Variants in PDE10A observed in about 807,000 individuals in gnomAD.
PDE10A encodes the protein cAMP and cAMP-inhibited cGMP 3',5'-cyclic phosphodiesterase 10A.
A neutral mutation model predicts 97.7 loss-of-function variants in PDE10A; 39 were observed. The observed-to-expected ratio is 0.40, with a 90% CI of 0.31 to 0.52. The LOEUF (loss-of-function observed/expected upper bound fraction) is 0.52. PDE10A is among the 20% of genes least tolerant of loss of function. The pLI, the probability that PDE10A is intolerant of heterozygous loss-of-function variation, is 0.56. For missense variants in PDE10A, 731 were observed against 1,047.8 expected, an observed-to-expected ratio of 0.70 and a Z score of 4.17; for synonymous variants, 371 against 376.8, an observed-to-expected ratio of 0.98 and a Z score of 0.18.
intron 1 of PDE10A, among the ~76,000 whole-genome samples, chr6:165,659,399 T>A (rs4709084): frequency 6.6e-6 from 1 of 152,082 alleles, no homozygotes; most frequent in African/African-American, 2.4e-5. Flanking sequence ...ACGATACATA[T>A]CAGAAAAATC....
In PDE10A at chr6:165,901,269, A is replaced by C. The variant is rs542706242; in HGVS notation, c.-615+86260T>G. On this transcript the variant is annotated intron_variant, in intron 1 of 19. Coordinates refer to the PDE10A transcript ENST00000366882. ...CTAAACAAATGAACCTCCACACCAC[A>C]TGGCAAAAAGGGGCACTTCTCCTGT... 5.3e-5 allele frequency among the ~76,000 whole-genome samples: 8 copies of C among 152,274 alleles called. No individual in the cohort carries two copies. The East Asian group carries it at 1.5e-3, about 29-fold the overall frequency.
intron 1 of PDE10A, among the ~76,000 whole-genome samples, chr6:165,626,338 TTA>T (rs1480440276): frequency 6.6e-6 from 1 of 152,224 alleles, no homozygotes; most frequent in Non-Finnish European, 1.5e-5. Context: ...GTTCATTCTC[TTA>T]TGTTTCAACA....
intron 1 of PDE10A, among the ~76,000 whole-genome samples, chr6:165,847,377 A>T (rs1780449302): frequency 6.6e-6 from 1 of 152,234 alleles, no homozygotes; most frequent in Non-Finnish European, 1.5e-5. Flanking sequence ...CTTCTGATTT[A>T]TTAGCTACAC....
In PDE10A at chr6:165,661,962, A is replaced by C. The variant is rs762162747; in HGVS notation, c.850T>G (p.Cys284Gly). The C allele has an allele frequency of 1.9e-5, 22 of 1,136,992 alleles. No individual in the cohort carries two copies. Among genetic ancestry groups the C allele is most frequent in the Non-Finnish European group, 2.7e-5 (21 of 774,576 alleles). 70.4% of individuals were successfully genotyped at this position (1,136,992 alleles called of 1,614,324 possible). A position where few individuals can be genotyped will look rare whatever the true frequency, so the allele number is the denominator to read the frequency against. ...GGCCACTTACTGGGGCTCAGGAAGC[A>C]CTCGGTCAGCCTTCGGAAGCAGCTC... ...NASCFRRLTECFLSPSLTDEK... is the reference protein window; with the variant it reads ...NASCFRRLTEGFLSPSLTDEK... The change falls in exon 1 of 22, where the codon TGC (cysteine) becomes GGC (glycine). Residue 284 changes from cysteine (C) to glycine (G), a missense_variant. Cys to Gly is a radical substitution (Grantham distance 159). This residue lies in a region of PDE10A where 181 missense variants were observed against 159.1 expected (regional missense o/e 1.14). Coordinates refer to ENST00000539869, the MANE Select transcript of PDE10A (RefSeq NM_001385079.1). The surrounding 1 kb of genome is among the most constrained non-coding windows in gnomAD (Gnocchi z 4.8).
At chr6:165,776,360 G>C (rs561820355) in intron 1 of PDE10A, among the ~76,000 whole-genome samples, 30 of 152,180 alleles carry the variant, frequency 2.0e-4, no homozygotes, top group Non-Finnish European at 4.1e-4. Context: ...TAACATCCAA[G>C]TAGATTCAAC....
At chr6:165,529,471 G>C (rs2128313685) in intron 2 of PDE10A, among the ~76,000 whole-genome samples, 1 of 152,302 alleles carries the variant, frequency 6.6e-6, no homozygotes, top group East Asian at 1.9e-4. Context: ...ACCATGACCT[G>C]CTGAGGTGCT....
rs1032750550 is a variant in PDE10A, at chr6:165,428,713, A to C, written c.1602-4T>G. The C allele has an allele frequency of 2.6e-6, 3 of 1,143,144 alleles. No individual in the cohort carries two copies. The African/African-American group carries it at 4.6e-5, about 18-fold the overall frequency. The allele number at this position is 1,143,144 out of a possible 1,614,324, so 70.8% of individuals were successfully genotyped here. ...AACTATGTTATCAAAATATGTTCTG[A>C]AAAAAAGAAACATAAATCCTGTAAG... On this transcript the variant is annotated splice_region_variant and splice_polypyrimidine_tract_variant and intron_variant, in intron 9 of 21. Coordinates refer to ENST00000539869, the MANE Select transcript of PDE10A (RefSeq NM_001385079.1).
At chr6:165,355,697 TC>T (rs2128189213) in intron 18 of PDE10A, among the ~76,000 whole-genome samples, 1 of 152,300 alleles carries the variant, frequency 6.6e-6, no homozygotes, top group East Asian at 1.9e-4. Context: ...ACACTTTCAT[TC>T]CTCTTGGATA....
At chr6:165,438,568 T>C (rs898647435) in intron 5 of PDE10A, among the ~76,000 whole-genome samples, 1 of 152,218 alleles carries the variant, frequency 6.6e-6, no homozygotes, top group African/African-American at 2.4e-5. Flanking sequence ...ACTGTTTTAA[T>C]TATTATAAAA....
intron 1 of PDE10A, among the ~76,000 whole-genome samples, chr6:165,720,880 C>T (rs1336722677): frequency 6.6e-6 from 1 of 152,158 alleles, no homozygotes; most frequent in Non-Finnish European, 1.5e-5. Flanking sequence ...GAGTTTTGTT[C>T]TCAACTCAGA....
At chr6:165,429,034 A>G (rs1789367719) in intron 9 of PDE10A, among the ~76,000 whole-genome samples, 2 of 152,102 alleles carry the variant, frequency 1.3e-5, no homozygotes, top group South Asian at 4.1e-4. Flanking sequence ...TGCATCCACC[A>G]TATTTAATAT....
intron 18 of PDE10A, among the ~76,000 whole-genome samples, chr6:165,355,695 A>T (rs1395965398): frequency 6.6e-6 from 1 of 152,188 alleles, no homozygotes; most frequent in African/African-American, 2.4e-5. Context: ...GTACACTTTC[A>T]TTCCTCTTGG....
chr6:165,612,067 AG>A (rs1439605521), intron 1 of PDE10A, among the ~76,000 whole-genome samples: 4 of 152,268 alleles, frequency 2.6e-5, no homozygotes, highest in African/African-American at 9.6e-5. Flanking sequence ...ATCACTGTAT[AG>A]TGAACAATCA....
chr6:165,455,754 T>C (rs1777916588), intron 3 of PDE10A, among the ~76,000 whole-genome samples: 1 of 152,190 alleles, frequency 6.6e-6, no homozygotes. Context: ...ATTAGCCTTG[T>C]GGGCCCTACT....
intron 5 of PDE10A, among the ~76,000 whole-genome samples, chr6:165,445,321 A>G (rs1450960805): frequency 6.6e-6 from 1 of 152,238 alleles, no homozygotes; most frequent in African/African-American, 2.4e-5. Context: ...GCTGAGAAGA[A>G]TGGAAGGAAT....
At chr6:165,607,687 T>C (rs12195874) in intron 1 of PDE10A, among the ~76,000 whole-genome samples, 14,983 of 152,218 alleles carry the variant, frequency 0.098, 928 homozygotes, top group Non-Finnish European at 0.14. Flanking sequence ...GCAGCGTGAA[T>C]AGAGTTTCAT....
chr6:165,618,108 T>C (rs1289946882), intron 1 of PDE10A, among the ~76,000 whole-genome samples: 4 of 152,154 alleles, frequency 2.6e-5, no homozygotes. Context: ...CAAAAATAGG[T>C]CATTAAACGA....
chr6:165,460,693 T>TG (rs1306298552), intron 3 of PDE10A, among the ~76,000 whole-genome samples: 4 of 152,164 alleles, frequency 2.6e-5, no homozygotes, highest in African/African-American at 9.7e-5. Flanking sequence ...AAGGGCCCGA[T>TG]GGACAACCTG....
rs2128218302 is a variant in PDE10A at position 165,396,376 on chromosome 6, T to C, written c.2160A>G (p.Glu720=). ...KLSYHSICTS[E]EWQGLMQFTL... Reference sequence around the variant, plus strand: ...TGAATTGCATGAGACCTTGCCACTCTTCTGAAGTACAAATGCTATGGTAGG... The same window carrying C: ...TGAATTGCATGAGACCTTGCCACTCCTCTGAAGTACAAATGCTATGGTAGG... The change falls in exon 14 of 22, where the codon GAA becomes GAG. Residue 720 remains glutamate, a synonymous_variant. Coordinates refer to ENST00000539869, the MANE Select transcript of PDE10A (RefSeq NM_001385079.1). 2 of 1,613,624 alleles carry C rather than the reference T, an allele frequency of 1.2e-6. No individual in the cohort carries two copies. The highest frequency in any genetic ancestry group is 2.2e-5 in the South Asian group (2 of 91,068).
Sources: allele counts gnomAD v4.1 joint callset (sites outside exome capture counted in the v4.1 genomes callset), GRCh38; gene constraint gnomAD v4.1.1; regional missense constraint gnomAD v4.1.1; non-coding constraint Gnocchi (gnomAD v3.1); transcripts MANE v1.5; gene names NCBI Gene and HGNC (gene_info 2026-07-23, HGNC 2026-07-21).